PLCL2: variants seen among roughly 807,000 people sequenced by gnomAD.
The protein encoded by PLCL2 is phospholipase C like 2.
In PLCL2, 4 loss-of-function variants were observed where a neutral mutation model predicts 79.6. The observed-to-expected ratio is 0.05, with a 90% CI of 0.02 to 0.11. PLCL2 has a LOEUF of 0.11. Ranked by LOEUF, PLCL2 falls within the 10% of genes least tolerant of loss-of-function variation. The probability of loss-of-function intolerance (pLI) is 1.00; values close to 1 mark genes in which losing one functional copy is unlikely to be tolerated. For missense variants in PLCL2, 895 were observed against 1,291.0 expected (o/e 0.69, Z 4.70); for synonymous variants, 484 against 457.7 (o/e 1.06, Z -0.73).
intron 1 of PLCL2, among the ~76,000 whole-genome samples, chr3:16,955,399 G>A (rs1044285082): frequency 1.3e-5 from 2 of 152,024 alleles, no homozygotes; most frequent in East Asian, 3.9e-4. Flanking sequence ...CTCTGTTTTG[G>A]TACCAGTACC....
chr3:16,915,355 T>C (rs1035261092), intron 1 of PLCL2, among the ~76,000 whole-genome samples: 3 of 152,194 alleles, frequency 2.0e-5, no homozygotes, highest in Admixed American at 6.5e-5. Context: ...TTCTGGGTAC[T>C]AATATACACA....
intron 3 of PLCL2, among the ~76,000 whole-genome samples, chr3:17,039,780 A>G (rs911181671): frequency 2.0e-5 from 3 of 152,176 alleles, no homozygotes; most frequent in African/African-American, 7.2e-5. Flanking sequence ...CCTAGGAGGA[A>G]TGGCTTCTCA....
intron 1 of PLCL2, among the ~76,000 whole-genome samples, chr3:16,996,407 C>G (rs1322496616): frequency 6.6e-6 from 1 of 152,116 alleles, no homozygotes; most frequent in Non-Finnish European, 1.5e-5. Flanking sequence ...AGCTGGACAC[C>G]TGTAGGCAAG....
intron 1 of PLCL2, among the ~76,000 whole-genome samples, chr3:16,969,585 A>T (rs1575560764): frequency 1.3e-5 from 2 of 151,986 alleles, no homozygotes; most frequent in East Asian, 3.9e-4. Context: ...GTCAGTGATT[A>T]TATCCCCTTT....
chr3:17,089,811 T>C lies in PLCL2; in HGVS notation c.3283T>C (p.Cys1095Arg), dbSNP rs770551910. The C allele has an allele frequency of 1.9e-6, 3 of 1,613,938 alleles. No individual in the cohort carries two copies. The highest frequency in any genetic ancestry group is 2.7e-5 in the African/African-American group (2 of 74,936). ...ACAAATCCATTTTGCTGCTGTTTCATGTGGACTGAATAAACCAGGCACCGA... is the reference window on the plus strand; with the variant it reads ...ACAAATCCATTTTGCTGCTGTTTCACGTGGACTGAATAAACCAGGCACCGA... ...LKQIHFAAVS[C>R]GLNKPGTENA... Residue 1095 changes from cysteine (C) to arginine (R), a missense_variant, in exon 6 of 6, where the codon TGT becomes CGT. This residue lies in a region of PLCL2 where 298 missense variants were observed against 459.6 expected (regional missense o/e 0.65). Transcript: ENST00000615277.
At chr3:17,036,218 G>A (rs1003319247) in intron 3 of PLCL2, among the ~76,000 whole-genome samples, 9 of 152,276 alleles carry the variant, frequency 5.9e-5, no homozygotes, top group Non-Finnish European at 5.9e-5. Flanking sequence ...AGATGGAAAG[G>A]GGAGCTGGGT....
At chr3:17,063,979 T>C (rs895744470) in intron 4 of PLCL2, among the ~76,000 whole-genome samples, 1 of 152,242 alleles carries the variant, frequency 6.6e-6, no homozygotes, top group Non-Finnish European at 1.5e-5. Flanking sequence ...AAATTCACTC[T>C]ATCTAGTCTT....
intron 3 of PLCL2, among the ~76,000 whole-genome samples, chr3:17,038,443 T>C (rs1171577890): frequency 2.6e-5 from 4 of 152,164 alleles, no homozygotes; most frequent in African/African-American, 9.7e-5. Context: ...AATTAACCAT[T>C]CTACTTGGCC....
intron 1 of PLCL2, among the ~76,000 whole-genome samples, chr3:16,898,555 A>G (rs1225720561): frequency 6.6e-6 from 1 of 152,252 alleles, no homozygotes; most frequent in African/African-American, 2.4e-5. Context: ...GCACATAGCC[A>G]CATAGCAAGC....
intron 1 of PLCL2, among the ~76,000 whole-genome samples, chr3:16,971,383 C>T (rs1054912394): frequency 9.2e-5 from 14 of 152,154 alleles, no homozygotes; most frequent in South Asian, 8.3e-4. Context: ...AGATATGCAG[C>T]GTTATTTCTG....
intron 1 of PLCL2, among the ~76,000 whole-genome samples, chr3:16,982,992 G>T (rs950033132): frequency 1.3e-5 from 2 of 151,770 alleles, no homozygotes; most frequent in Non-Finnish European, 2.9e-5. Context: ...CTTTTGTTTT[G>T]AATTGTTTTT....
chr3:17,068,021 C>A lies in PLCL2; in HGVS notation c.3160C>A (p.Gln1054Lys). ...TKEGLKERKL[Q>K]KAVESFTWNI... Reference sequence around the variant, plus strand: ...GGAAGGTTTGAAGGAAAGAAAACTACAAAAAGCAGTGGAGAGCTTTACCTG... The same window carrying A: ...GGAAGGTTTGAAGGAAAGAAAACTAAAAAAAGCAGTGGAGAGCTTTACCTG... Residue 1054 changes from glutamine to lysine, a missense_variant, in exon 5 of 6, where the codon CAA (glutamine) becomes AAA (lysine). By Grantham distance (53) the Gln-to-Lys change is moderately conservative (BLOSUM62 1). This residue lies in a region of PLCL2 where 298 missense variants were observed against 459.6 expected (regional missense o/e 0.65). Transcript: ENST00000615277. 1 of 1,611,516 alleles carries A rather than the reference C, an allele frequency of 6.2e-7. No individual in the cohort carries two copies.
intron 1 of PLCL2, among the ~76,000 whole-genome samples, chr3:16,946,377 G>A (rs941113598): frequency 2.0e-5 from 3 of 151,642 alleles, no homozygotes; most frequent in African/African-American, 7.3e-5. Flanking sequence ...ACTAGATGGA[G>A]TAGGAGGATC....
At chr3:16,920,234 G>A (rs1253476614) in intron 1 of PLCL2, among the ~76,000 whole-genome samples, 1 of 152,064 alleles carries the variant, frequency 6.6e-6, no homozygotes, top group Non-Finnish European at 1.5e-5. Context: ...TCCAGATTCT[G>A]GAACAGCCTC....
intron 5 of PLCL2, among the ~76,000 whole-genome samples, chr3:17,073,622 T>G (rs1363753019): frequency 6.6e-6 from 1 of 152,226 alleles, no homozygotes; most frequent in African/African-American, 2.4e-5. Flanking sequence ...TTACCCACAG[T>G]AGAACTTCTT....
At chr3:16,959,828 G>A (rs1575554229) in intron 1 of PLCL2, among the ~76,000 whole-genome samples, 2 of 152,162 alleles carry the variant, frequency 1.3e-5, no homozygotes, top group Admixed American at 6.5e-5. Context: ...AAGGTCCACC[G>A]GGTGCTGTGG....
intron 1 of PLCL2, among the ~76,000 whole-genome samples, chr3:16,932,051 C>T (rs79218622): frequency 0.064 from 9,705 of 152,200 alleles, 399 homozygotes; most frequent in Non-Finnish European, 0.099. Flanking sequence ...CACCAGAACC[C>T]GACCACACTG....
Position 17,009,855 on chromosome 3 carries a change from A to G in PLCL2, c.509A>G (p.Gln170Arg). 1.2e-6 allele frequency: 2 copies of G among 1,613,748 alleles called. No individual in the cohort carries two copies. Among genetic ancestry groups the G allele is most frequent in the South Asian group, 1.1e-5 (1 of 91,088 alleles). The change falls in exon 2 of 6, where the codon CAG (glutamine) becomes CGG (arginine). Residue 170 changes from glutamine (Q) to arginine (R), a missense_variant. Gln to Arg is a conservative substitution (Grantham distance 43). Around this residue, in one of 6 missense-constraint regions of PLCL2, gnomAD observed 129 missense variants for 208.8 expected, o/e 0.62. Transcript: ENST00000615277. This position sits in a 1 kb window ranked among gnomAD's most constrained non-coding sequence, Gnocchi z 4.0. ...HRYFLLDADM[Q>R]SLRWEPSKKD... ...TACTTTTTACTGGATGCTGACATGC[A>G]GAGCCTAAGGTGGGAGCCATCTAAG...
chr3:17,059,285 A>G (rs896048267), intron 4 of PLCL2, among the ~76,000 whole-genome samples: 1 of 151,800 alleles, frequency 6.6e-6, no homozygotes, highest in Non-Finnish European at 1.5e-5. Flanking sequence ...AGGCTGAGGC[A>G]TGAGAATCAC....
Sources: allele counts gnomAD v4.1 joint callset (sites outside exome capture counted in the v4.1 genomes callset), GRCh38; gene constraint gnomAD v4.1.1; regional missense constraint gnomAD v4.1.1; non-coding constraint Gnocchi (gnomAD v3.1); transcripts MANE v1.5; gene names NCBI Gene and HGNC (gene_info 2026-07-23, HGNC 2026-07-21).